The following EPHA6 variants were observed in gnomAD, a reference collection of about 807,000 sequenced individuals.
EPHA6 encodes the protein EPH receptor A6.
EPHA6 carries 50 observed loss-of-function variants against 112.0 expected under a neutral mutation model. That is an observed-to-expected ratio of 0.45 (90% CI 0.36 to 0.56). The LOEUF (loss-of-function observed/expected upper bound fraction) is 0.56, where lower values mean the gene tolerates loss of function less well. Among genes scored for constraint, EPHA6 ranks in the 20% least tolerant of loss-of-function variants. The probability of loss-of-function intolerance (pLI) is 0.00; values close to 1 mark genes in which losing one functional copy is unlikely to be tolerated. For missense variants in EPHA6, 1,280 were observed against 1,417.4 expected (o/e 0.90, Z 1.56); for synonymous variants, 529 against 490.7 (o/e 1.08, Z -1.03).
chr3:97,667,392 G>T (rs2030254900), intron 14 of EPHA6, among the ~76,000 whole-genome samples: 1 of 152,144 alleles, frequency 6.6e-6, no homozygotes, highest in Non-Finnish European at 1.5e-5. Context: ...CATTTACAGT[G>T]TCTATGGTTT....
At chr3:97,587,201 A>C (rs1014791116) in intron 11 of EPHA6, among the ~76,000 whole-genome samples, 1 of 151,946 alleles carries the variant, frequency 6.6e-6, no homozygotes, top group African/African-American at 2.4e-5. Flanking sequence ...GTGAGCCAAG[A>C]TCACCCCTTA....
intron 5 of EPHA6, among the ~76,000 whole-genome samples, chr3:97,312,237 A>G (rs967859856): frequency 3.3e-5 from 5 of 151,548 alleles, no homozygotes; most frequent in African/African-American, 9.7e-5. Flanking sequence ...AAAGATGGGT[A>G]TATATCTTCC....
intron 11 of EPHA6, among the ~76,000 whole-genome samples, chr3:97,561,648 G>C (rs2093194253): frequency 6.6e-6 from 1 of 152,094 alleles, no homozygotes; most frequent in South Asian, 2.1e-4. Flanking sequence ...TAGAACTGTT[G>C]CAAGTTATCC....
intron 1 of EPHA6, among the ~76,000 whole-genome samples, chr3:96,838,159 C>G (rs932846048): frequency 6.7e-6 from 1 of 149,098 alleles, no homozygotes; most frequent in African/African-American, 2.5e-5. Flanking sequence ...GTTGGACTTT[C>G]TTTTCCTGTG....
At position 96,883,842 on chromosome 3, in the gene EPHA6, G is replaced by A. The variant is rs577957342; in HGVS notation, c.450+16953G>A. 3.6e-4 allele frequency among the ~76,000 whole-genome samples: 55 copies of A among 151,998 alleles called. 1 individual carries two copies. In the South Asian group the frequency reaches 0.011, roughly 32 times the overall value. On this transcript the variant is annotated intron_variant, in intron 2 of 17. Transcript: ENST00000389672. ...GCCACCACACCTGGCTAATTTTTTT[G>A]TATTTTTTTGGTAGAGACAGGGTTT...
Position 97,734,533 on chromosome 3 carries a change from T to C in EPHA6, c.2935-1392T>C, listed in dbSNP as rs2035174272. Among the ~76,000 whole-genome samples the C allele has an allele frequency of 2.6e-5, 4 of 151,926 alleles. No individual in the cohort carries two copies. In the South Asian group the frequency reaches 8.3e-4, roughly 31 times the overall value. On this transcript the variant is annotated intron_variant, in intron 15 of 17. Transcript: ENST00000389672. ...TAAAGTGGTCTGGTCAAAAAGACAA[T>C]GATGGGATTATGAGAAATTCCCTAT...
chr3:97,261,567 T>C (rs2079504636), intron 5 of EPHA6, among the ~76,000 whole-genome samples: 1 of 152,206 alleles, frequency 6.6e-6, no homozygotes, highest in African/African-American at 2.4e-5. Flanking sequence ...CATTCCTGGC[T>C]CCTATTGTCT....
chr3:97,705,369 C>T (rs553140753), intron 14 of EPHA6, among the ~76,000 whole-genome samples: 1 of 152,310 alleles, frequency 6.6e-6, no homozygotes, highest in Admixed American at 6.5e-5. Context: ...TCTCCTGACT[C>T]TCCACTATCA....
At chr3:97,403,196 A>G (rs372347758) in intron 5 of EPHA6, among the ~76,000 whole-genome samples, 15 of 152,106 alleles carry the variant, frequency 9.9e-5, no homozygotes, top group Admixed American at 5.2e-4. Flanking sequence ...AAATTACAAT[A>G]CCAATACTAA....
intron 2 of EPHA6, among the ~76,000 whole-genome samples, chr3:96,925,440 T>A (rs2039984690): frequency 6.6e-6 from 1 of 152,158 alleles, no homozygotes; most frequent in Non-Finnish European, 1.5e-5. Context: ...ATAGAGATGT[T>A]TATAGTATTT....
At chr3:97,492,435 A>T (rs2091866193) in intron 10 of EPHA6, among the ~76,000 whole-genome samples, 1 of 151,174 alleles carries the variant, frequency 6.6e-6, no homozygotes, top group African/African-American at 2.4e-5. Context: ...CCAACTACTC[A>T]GAAGGCTGAG....
At chr3:97,591,747 A>G (rs1329659478) in intron 11 of EPHA6, among the ~76,000 whole-genome samples, 2 of 152,200 alleles carry the variant, frequency 1.3e-5, no homozygotes, top group Non-Finnish European at 2.9e-5. Flanking sequence ...TTTCTAACTC[A>G]TATTCAGAGG....
chr3:97,525,832 A>T (rs1406111415), intron 10 of EPHA6, among the ~76,000 whole-genome samples: 2 of 152,090 alleles, frequency 1.3e-5, no homozygotes, highest in East Asian at 3.9e-4. Flanking sequence ...CTGTCTCCAG[A>T]TCTTTGGGTC....
chr3:97,562,650 A>G (rs2093207730), intron 11 of EPHA6, among the ~76,000 whole-genome samples: 1 of 152,310 alleles, frequency 6.6e-6, no homozygotes, highest in South Asian at 2.1e-4. Context: ...TTGTTAACAC[A>G]GTGGCAGAGT....
chr3:96,940,046 G>A (rs762299934), intron 2 of EPHA6, among the ~76,000 whole-genome samples: 6 of 152,106 alleles, frequency 3.9e-5, no homozygotes, highest in African/African-American at 9.7e-5. Context: ...TTTGGAATAC[G>A]TGTGGTGTGG....
At chr3:96,828,043 C>G (rs112203789) in intron 1 of EPHA6, among the ~76,000 whole-genome samples, 1,575 of 152,066 alleles carry the variant, frequency 0.01, 26 homozygotes, top group African/African-American at 0.036. Flanking sequence ...AACATCTTTA[C>G]TTTGAAACTT....
chr3:97,360,179 G>T (rs1156770872), intron 5 of EPHA6, among the ~76,000 whole-genome samples: 2 of 152,146 alleles, frequency 1.3e-5, no homozygotes, highest in Non-Finnish European at 2.9e-5. Context: ...GTGCACAGCT[G>T]CCTGCCACAG....
chr3:96,940,422 C>T (rs1285159876), intron 2 of EPHA6, among the ~76,000 whole-genome samples: 2 of 151,958 alleles, frequency 1.3e-5, no homozygotes, highest in Non-Finnish European at 2.9e-5. Flanking sequence ...GATTGCAACC[C>T]CTGCCTTTTT....
At position 97,218,270 on chromosome 3, in the gene EPHA6, TA is replaced by T. The variant is rs113002813; in HGVS notation, c.1115-7982del. Among the ~76,000 whole-genome samples the T allele has an allele frequency of 8.2e-3, 1,182 of 144,970 alleles. 11 individuals carry two copies. Among genetic ancestry groups the T allele is most frequent in the East Asian group, 0.036 (182 of 5,002 alleles). ...TGGATGAAAGAGTGAGACCCTATCT[TA>T]AAAAAAAAAAATGTAAAACCATTCT... On this transcript the variant is annotated intron_variant, in intron 3 of 17. Transcript: ENST00000389672.
Sources: gnomAD v4.1 joint callset for allele counts (sites outside exome capture counted in the v4.1 genomes callset) on GRCh38, gnomAD v4.1.1 for gene constraint, MANE v1.5 for transcripts, NCBI Gene and HGNC (gene_info 2026-07-23, HGNC 2026-07-21) for gene names.